The following PID1 variants were observed in gnomAD, a reference collection of about 807,000 sequenced individuals.
PID1 encodes phosphotyrosine interaction domain containing 1, also known as PTB-containing, cubilin and LRP1-interacting protein.
In PID1, 10 loss-of-function variants were observed where a neutral mutation model predicts 19.1. The ratio of observed to expected loss-of-function variants is 0.52; its 90% CI spans 0.32 to 0.89. The LOEUF is 0.89. Ranked by LOEUF, PID1 falls within the 40% of genes least tolerant of loss-of-function variation. The pLI is 0.03. For synonymous variants in PID1, 130 were observed against 116.0 expected, an observed-to-expected ratio of 1.12 and a Z score of -0.78; for missense variants, 248 against 285.3, an observed-to-expected ratio of 0.87 and a Z score of 0.94.
chr2:229,135,727 T>C (rs1213151851), intron 2 of PID1, among the ~76,000 whole-genome samples: 1 of 152,066 alleles, frequency 6.6e-6, no homozygotes, highest in Non-Finnish European at 1.5e-5. Flanking sequence ...CATAAAAACA[T>C]GTCATGTCCA....
intron 1 of PID1, among the ~76,000 whole-genome samples, chr2:229,190,884 C>T (rs180712748): frequency 6.6e-6 from 1 of 152,274 alleles, no homozygotes; most frequent in East Asian, 1.9e-4. Context: ...CCCATAGAGG[C>T]AAAAACTGGT....
At chr2:229,178,117 T>C (rs759119068) in intron 1 of PID1, among the ~76,000 whole-genome samples, 4 of 152,204 alleles carry the variant, frequency 2.6e-5, no homozygotes, top group Non-Finnish European at 5.9e-5. Context: ...ATAAAAATAG[T>C]CAGCCAGTTA....
chr2:229,082,157 T>G (rs769523465), intron 2 of PID1, among the ~76,000 whole-genome samples: 7 of 152,214 alleles, frequency 4.6e-5, no homozygotes, highest in Non-Finnish European at 7.3e-5. Flanking sequence ...CTGCTCAAGT[T>G]TATCAATGAT....
At chr2:229,039,376 A>G (rs1387775610) in intron 2 of PID1, among the ~76,000 whole-genome samples, 1 of 152,228 alleles carries the variant, frequency 6.6e-6, no homozygotes, top group Non-Finnish European at 1.5e-5. Flanking sequence ...TATGATTATT[A>G]AAGAAGAGCT....
At chr2:229,099,045 G>C (rs1695026807) in intron 2 of PID1, among the ~76,000 whole-genome samples, 1 of 152,094 alleles carries the variant, frequency 6.6e-6, no homozygotes, top group Non-Finnish European at 1.5e-5. Flanking sequence ...GGCTGCACTG[G>C]GGAAGTTGGT....
chr2:229,256,331 T>G (rs1239919965), intron 1 of PID1, among the ~76,000 whole-genome samples: 1 of 152,162 alleles, frequency 6.6e-6, no homozygotes, highest in Admixed American at 6.5e-5. Context: ...TTTCGAACCC[T>G]GGAAATGAAT....
chr2:229,236,571 A>C (rs1430764168), intron 1 of PID1: 1 of 152,318 alleles, frequency 6.6e-6, no homozygotes, highest in South Asian at 2.1e-4. Flanking sequence ...CCTGGTTATC[A>C]GTGGGGAAAG....
At chr2:229,033,535 T>TGG (rs1156321747) in intron 2 of PID1, among the ~76,000 whole-genome samples, 3 of 144,764 alleles carry the variant, frequency 2.1e-5, no homozygotes, top group Non-Finnish European at 4.5e-5. Context: ...TGTTGGAGGG[T>TGG]GGGGGGCTAG....
intron 1 of PID1, 130 bp downstream of exon 1, chr2:229,270,884 T>C: frequency 1.4e-6 from 1 of 735,308 alleles, no homozygotes. Flanking sequence ...GACAGCATCA[T>C]GTTGCCATCG....
At chr2:229,199,718 A>ATC (rs1553575984) in intron 1 of PID1, among the ~76,000 whole-genome samples, 1 of 115,036 alleles carries the variant, frequency 8.7e-6, no homozygotes, top group African/African-American at 3.4e-5. Flanking sequence ...GAAATATCTA[A>ATC]TTTATATATA....
At chr2:229,142,325 G>A (rs1341503347) in intron 2 of PID1, among the ~76,000 whole-genome samples, 2 of 152,096 alleles carry the variant, frequency 1.3e-5, no homozygotes, top group African/African-American at 2.4e-5. Context: ...AAGTTAGAGA[G>A]GATTTAACAA....
intron 1 of PID1, chr2:229,228,037 A>G (rs1390735524): frequency 4.4e-6 from 2 of 456,028 alleles, no homozygotes; most frequent in Non-Finnish European, 8.8e-6. Flanking sequence ...GGACAAGTGT[A>G]TTGTGACTGG....
At chr2:229,048,468 C>T (rs1693927261) in intron 2 of PID1, among the ~76,000 whole-genome samples, 1 of 152,048 alleles carries the variant, frequency 6.6e-6, no homozygotes, top group Non-Finnish European at 1.5e-5. Context: ...CTCACAAATC[C>T]CTCTCCTTGG....
intron 2 of PID1, among the ~76,000 whole-genome samples, chr2:229,040,120 G>GGA (rs1559205348): frequency 2.3e-5 from 3 of 130,194 alleles, no homozygotes; most frequent in East Asian, 2.2e-4. Flanking sequence ...TTGTTATGTG[G>GGA]AAAAAAAAAA....
chr2:229,127,056 G>C lies in PID1; in HGVS notation c.177+28762C>G, dbSNP rs568207650. Reference sequence around the variant, plus strand: ...GGGGAGAGAGAATAAAAGGCCATCAGCACAGTTAATGGGCCTCGCTTGGAC... The same window carrying C: ...GGGGAGAGAGAATAAAAGGCCATCACCACAGTTAATGGGCCTCGCTTGGAC... On this transcript the variant is annotated intron_variant, in intron 2 of 2. Coordinates refer to ENST00000392055, the MANE Select transcript of PID1 (RefSeq NM_001100818.2). Among the ~76,000 whole-genome samples, 7 of 152,314 alleles carry C rather than the reference G, an allele frequency of 4.6e-5. No homozygotes were observed. The South Asian group carries it at 1.4e-3, about 32-fold the overall frequency.
At chr2:229,049,165 T>C (rs904864273) in intron 2 of PID1, among the ~76,000 whole-genome samples, 12 of 152,090 alleles carry the variant, frequency 7.9e-5, no homozygotes, top group African/African-American at 2.2e-4. Flanking sequence ...TCCCCCGACA[T>C]ACCAGATGTT....
intron 2 of PID1, among the ~76,000 whole-genome samples, chr2:229,039,117 A>T (rs1693718818): frequency 6.6e-6 from 1 of 152,216 alleles, no homozygotes; most frequent in South Asian, 2.1e-4. Context: ...GCAGCGAGAA[A>T]GGACTGAGGG....
In PID1 at chr2:229,184,372, ATATATATCTATCCCG is replaced by A. The variant is rs1169057164; in HGVS notation, c.31-28423_31-28409del. On this transcript the variant is annotated intron_variant, in intron 1 of 2. Transcript: ENST00000392055. ...TATATATATCACACATATATATCCC[ATATATATCTATCCCG>A]TATATATCTATCCCGTATATATCTA... is the stretch of plus-strand genomic sequence containing the variant. Among the ~76,000 whole-genome samples the A allele has an allele frequency of 3.9e-5, 5 of 127,830 alleles. 1 individual carries two copies. Among genetic ancestry groups the A allele is most frequent in the African/African-American group, 9.1e-5 (3 of 33,062 alleles). 83.9% of individuals were successfully genotyped at this position (127,830 alleles called of 152,430 possible).
intron 1 of PID1, among the ~76,000 whole-genome samples, chr2:229,171,967 AGT>A (rs1425478588): frequency 6.6e-6 from 1 of 152,184 alleles, no homozygotes; most frequent in Non-Finnish European, 1.5e-5. Context: ...GAAGATTAAC[AGT>A]GGCCACACTG....
Sources: gnomAD v4.1 joint callset for allele counts (sites outside exome capture counted in the v4.1 genomes callset) on GRCh38, gnomAD v4.1.1 for gene constraint, MANE v1.5 for transcripts, NCBI Gene and HGNC (gene_info 2026-07-23, HGNC 2026-07-21) for gene names.